Variants in SPG21 observed in about 807,000 individuals in gnomAD.
SPG21 encodes maspardin.
SPG21 carries 26 observed loss-of-function variants against 38.9 expected under a neutral mutation model. The ratio of observed to expected loss-of-function variants is 0.67; its 90% confidence interval spans 0.49 to 0.93. SPG21 has a LOEUF of 0.93. Ranked by LOEUF, SPG21 falls within the 40% of genes least tolerant of loss-of-function variation. The pLI is 0.00. For missense variants in SPG21, 333 were observed against 376.5 expected (o/e 0.88, Z 0.96); for synonymous variants, 136 against 128.9 (o/e 1.05, Z -0.37).
chr15:64,977,983 C>T (rs1441096518), intron 3 of SPG21, among the ~76,000 whole-genome samples: 4 of 151,894 alleles, frequency 2.6e-5, no homozygotes, highest in African/African-American at 9.7e-5. Context: ...CCACCACACC[C>T]GACTAATTTT....
At chr15:64,986,053 A>G (rs1042561769) in intron 1 of SPG21, among the ~76,000 whole-genome samples, 1 of 152,196 alleles carries the variant, frequency 6.6e-6, no homozygotes, top group Non-Finnish European at 1.5e-5. Flanking sequence ...AATTCTTTGC[A>G]TATCCATTTT....
At chr15:64,968,147 A>T (rs548061433) in intron 7 of SPG21, among the ~76,000 whole-genome samples, 7 of 152,102 alleles carry the variant, frequency 4.6e-5, no homozygotes, top group Non-Finnish European at 1.0e-4. Context: ...CCAGAGTTTG[A>T]GTCCAGCATG....
intron 3 of SPG21, 55 bp downstream of exon 3, chr15:64,980,809 T>TAAAA: frequency 7.9e-7 from 1 of 1,268,266 alleles, no homozygotes; most frequent in Non-Finnish European, 1.1e-6. Flanking sequence ...GACAGAAGCA[T>TAAAA]AAAAAAAAAA....
At chr15:64,964,179 G>C (rs1223068349) in intron 8 of SPG21, among the ~76,000 whole-genome samples, 1 of 152,164 alleles carries the variant, frequency 6.6e-6, no homozygotes, top group Non-Finnish European at 1.5e-5. Flanking sequence ...TACAGACTAA[G>C]ACATACTAAA....
chr15:64,976,964 G>A (rs1401702363), intron 3 of SPG21, among the ~76,000 whole-genome samples: 1 of 152,220 alleles, frequency 6.6e-6, no homozygotes. Context: ...TCTAAGGAGA[G>A]CTTCCTCTCT....
chr15:64,969,683 T>TG (rs2085620995), intron 6 of SPG21, among the ~76,000 whole-genome samples: 1 of 34,414 alleles, frequency 2.9e-5, no homozygotes, highest in African/African-American at 4.8e-5. Flanking sequence ...AGATATATGT[T>TG]TTTGTTTTTT....
At chr15:64,970,269 T>C in intron 5 of SPG21, 47 bp from the exon 6 acceptor site, 2 of 1,439,798 alleles carry the variant, frequency 1.4e-6, no homozygotes, top group Non-Finnish European at 2.0e-6. Flanking sequence ...AGACTACACA[T>C]GGCAAATATT....
intron 1 of SPG21, chr15:64,988,877 G>C (rs1328402912): frequency 6.6e-6 from 1 of 152,010 alleles, no homozygotes; most frequent in Non-Finnish European, 1.5e-5. Context: ...AGCTACTCGG[G>C]AGGCTGAGGC....
chr15:64,984,565 C>T (rs1006514200), intron 1 of SPG21, among the ~76,000 whole-genome samples: 16 of 152,044 alleles, frequency 1.1e-4, no homozygotes, highest in Non-Finnish European at 5.9e-5. Flanking sequence ...GTTGCCTGCA[C>T]TGGTCTCGAA....
intron 1 of SPG21, among the ~76,000 whole-genome samples, chr15:64,983,908 C>A (rs1429389816): frequency 6.6e-6 from 1 of 151,818 alleles, no homozygotes; most frequent in Admixed American, 6.6e-5. Context: ...CTCAGCCTCC[C>A]GAGTATCTGG....
intron 5 of SPG21, among the ~76,000 whole-genome samples, chr15:64,972,093 G>C (rs1315264010): frequency 1.3e-5 from 2 of 152,196 alleles, no homozygotes; most frequent in East Asian, 1.9e-4. Context: ...AAATTACTTA[G>C]ATGAGGTGCA....
At chr15:64,967,014 T>C (rs1476208404) in intron 7 of SPG21, among the ~76,000 whole-genome samples, 1 of 151,872 alleles carries the variant, frequency 6.6e-6, no homozygotes, top group African/African-American at 2.4e-5. Flanking sequence ...GAAACCATAG[T>C]GAGATACCAA....
rs1428278477 is a variant in SPG21 at position 64,969,330 on chromosome 15, T to C, written c.594A>G (p.Ser198=). 3.1e-6 allele frequency: 5 copies of C among 1,614,122 alleles called. No homozygotes were observed. The highest frequency in any genetic ancestry group is 4.2e-6 in the Non-Finnish European group (5 of 1,179,996). Residue 198 remains serine, a synonymous_variant, in exon 7 of 9, where the codon TCA becomes TCG. Transcript: ENST00000204566. ...AATTTTGACAATTCAAGGTAAGTCT[T>C]GAAGCCAGTTCACTCTGACCCAAAC... is the stretch of plus-strand genomic sequence containing the variant. ...LESLGQSELA[S]RLTLNCQNSY...
intron 3 of SPG21, among the ~76,000 whole-genome samples, chr15:64,979,242 A>G (rs2085840635): frequency 6.6e-6 from 1 of 152,124 alleles, no homozygotes; most frequent in Non-Finnish European, 1.5e-5. Context: ...GCCACTGTGG[A>G]GCGAGAAACA....
Position 64,983,602 on chromosome 15 carries a change from A to C in SPG21, c.-24-9T>G, listed in dbSNP as rs1284769987. ...TGAAATGGAGGTTAATCCTGAAATA[A>C]AAGCATGTGATATTTCACGTCAAGA... On this transcript the variant is annotated splice_polypyrimidine_tract_variant and intron_variant, in intron 1 of 8. Transcript: ENST00000204566. 1 of 1,462,862 alleles carries C rather than the reference A, an allele frequency of 6.8e-7. No homozygotes were observed. The highest frequency in any genetic ancestry group is 1.9e-5 in the Admixed American group (1 of 52,134). 90.6% of individuals were successfully genotyped at this position (1,462,862 alleles called of 1,614,324 possible). A position where few individuals can be genotyped will look rare whatever the true frequency, so the allele number is the denominator to read the frequency against.
chr15:64,969,168 T>C (rs781379687), intron 7 of SPG21, 87 bp downstream of exon 7: 34 of 977,872 alleles, frequency 3.5e-5, no homozygotes, highest in African/African-American at 4.8e-5. Context: ...AAGAGGTACA[T>C]TGAAAGTTAT....
At chr15:64,979,040 CAAATATT>C (rs1195233797) in intron 3 of SPG21, among the ~76,000 whole-genome samples, 1 of 152,180 alleles carries the variant, frequency 6.6e-6, no homozygotes, top group Non-Finnish European at 1.5e-5. Flanking sequence ...TAGATACTAA[CAAATATT>C]AAATAAGTTC....
intron 3 of SPG21, 59 bp from the exon 4 acceptor site, chr15:64,976,614 G>T: frequency 7.4e-7 from 1 of 1,358,108 alleles, no homozygotes; most frequent in Non-Finnish European, 1.0e-6. Flanking sequence ...TGCAACTCAC[G>T]TATTTGAAAA....
At chr15:64,975,643 A>G (rs2085759802) in intron 4 of SPG21, among the ~76,000 whole-genome samples, 1 of 152,200 alleles carries the variant, frequency 6.6e-6, no homozygotes, top group Non-Finnish European at 1.5e-5. Context: ...ACATATGTCA[A>G]CACAAAAACT....
Sources: gnomAD v4.1 joint callset for allele counts (sites outside exome capture counted in the v4.1 genomes callset) on GRCh38, gnomAD v4.1.1 for gene constraint, MANE v1.5 for transcripts, NCBI Gene and HGNC (gene_info 2026-07-23, HGNC 2026-07-21) for gene names.